The following SPNS2 variants were observed in gnomAD, a reference collection of about 807,000 sequenced individuals.
The protein encoded by SPNS2 is sphingosine-1-phosphate transporter SPNS2.
SPNS2 carries 37 observed loss-of-function variants against 57.6 expected under a neutral mutation model. That is an observed-to-expected ratio of 0.64 (90% CI 0.49 to 0.85). The LOEUF (loss-of-function observed/expected upper bound fraction) is 0.85. Ranked by LOEUF, SPNS2 falls within the 40% of genes least tolerant of loss-of-function variation. The probability of loss-of-function intolerance (pLI) is 0.00; values close to 1 mark genes in which losing one functional copy is unlikely to be tolerated. For missense variants in SPNS2, 831 were observed against 779.1 expected (o/e 1.07, Z -0.79); for synonymous variants, 440 against 346.9 (o/e 1.27, Z -2.98).
intron 2 of SPNS2, among the ~76,000 whole-genome samples, chr17:4,524,518 C>T (rs1323150529): frequency 6.6e-6 from 1 of 152,150 alleles, no homozygotes; most frequent in Non-Finnish European, 1.5e-5. Flanking sequence ...AACCCCATCT[C>T]TACTAAAATA....
At chr17:4,535,032 A>G (rs891194546) in intron 9 of SPNS2, among the ~76,000 whole-genome samples, 2 of 152,136 alleles carry the variant, frequency 1.3e-5, no homozygotes, top group Non-Finnish European at 2.9e-5. Flanking sequence ...CTCTCCCGCA[A>G]CGGGGTGCCC....
Position 4,520,115 on chromosome 17 carries a change from C to T in SPNS2, c.437-4942C>T, listed in dbSNP as rs147925563. Among the ~76,000 whole-genome samples the T allele has an allele frequency of 3.0e-4, 45 of 152,380 alleles. No individual in the cohort carries two copies. In the South Asian group the frequency reaches 3.3e-3, roughly 11 times the overall value. On this transcript the variant is annotated intron_variant, in intron 2 of 12. Transcript: ENST00000329078. ...TTTGGTCTGTCATCTCGGGCAACTT[C>T]CTCCACCTCTTGGGGCCTCAGTGAC...
intron 5 of SPNS2, among the ~76,000 whole-genome samples, chr17:4,531,854 G>A (rs917372610): frequency 6.6e-6 from 1 of 152,128 alleles, no homozygotes; most frequent in Non-Finnish European, 1.5e-5. Flanking sequence ...GGCCTTGGAG[G>A]TTCTGTTCTG....
chr17:4,523,741 T>C (rs895596936), intron 2 of SPNS2, among the ~76,000 whole-genome samples: 42 of 152,198 alleles, frequency 2.8e-4, no homozygotes, highest in Non-Finnish European at 5.0e-4. Flanking sequence ...GACTGTTGTC[T>C]CAAAAAATAT....
chr17:4,532,331 C>G lies in SPNS2; in HGVS notation c.793-211C>G, dbSNP rs542829257. Among the ~76,000 whole-genome samples, 4 of 152,320 alleles carry G rather than the reference C, an allele frequency of 2.6e-5. No homozygotes were observed. The South Asian group carries it at 6.2e-4, about 24-fold the overall frequency. On this transcript the variant is annotated intron_variant, in intron 5 of 12. Coordinates refer to ENST00000329078, the MANE Select transcript of SPNS2 (RefSeq NM_001124758.3). ...CACCTTCCCACCTCTGGTCCTGCCC[C>G]TGGTCTGGACAGGCCATCTCAAGCC...
chr17:4,505,636 C>T (rs1904655172), intron 1 of SPNS2, among the ~76,000 whole-genome samples: 1 of 152,242 alleles, frequency 6.6e-6, no homozygotes, highest in Admixed American at 6.5e-5. Context: ...GCCCAGGTCA[C>T]ACAGTGAGGC....
intron 3 of SPNS2, among the ~76,000 whole-genome samples, chr17:4,527,091 A>C (rs183832160): frequency 1.2e-4 from 19 of 152,364 alleles, no homozygotes; most frequent in African/African-American, 4.3e-4. Context: ...AAGGAGACAG[A>C]AGATAAGCAA....
chr17:4,530,611 A>G, intron 3 of SPNS2, 21 bp from the exon 4 acceptor site: 1 of 1,602,210 alleles, frequency 6.2e-7, no homozygotes, highest in Non-Finnish European at 8.5e-7. Flanking sequence ...GTCCCCCAGC[A>G]TCCTCCACCC....
chr17:4,515,712 G>A (rs182791969), intron 2 of SPNS2, among the ~76,000 whole-genome samples: 3 of 152,380 alleles, frequency 2.0e-5, no homozygotes, highest in Non-Finnish European at 2.9e-5. Context: ...TAAGGTCGGA[G>A]CCAGGTGGAG....
chr17:4,538,033 G>A lies in SPNS2; in HGVS notation c.*585G>A, dbSNP rs754107640. 37 of 351,442 alleles carry A rather than the reference G, an allele frequency of 1.1e-4. No homozygotes were observed. Among genetic ancestry groups the A allele is most frequent in the Middle Eastern group, 4.2e-4 (1 of 2,360 alleles). The allele number at this position is 351,442 out of a possible 1,614,324, so 21.8% of individuals were successfully genotyped here. On this transcript the variant is annotated 3_prime_UTR_variant, in exon 13 of 13. Coordinates refer to ENST00000329078, the MANE Select transcript of SPNS2 (RefSeq NM_001124758.3). ...CGCAACCTGGCAAATGAAGCTGGGC[G>A]CCCAAGTCTCTGGGTACTCCCTGGA...
intron 2 of SPNS2, among the ~76,000 whole-genome samples, chr17:4,515,147 G>A (rs576313511): frequency 7.9e-5 from 12 of 152,200 alleles, no homozygotes; most frequent in Admixed American, 3.3e-4. Context: ...TTCTTTCTGC[G>A]GTTCTGTCCC....
At chr17:4,527,903 A>G (rs1003103315) in intron 3 of SPNS2, among the ~76,000 whole-genome samples, 3 of 151,432 alleles carry the variant, frequency 2.0e-5, no homozygotes, top group African/African-American at 7.3e-5. Context: ...CCCAAGAGAG[A>G]AACTCCAGCT....
Position 4,499,411 on chromosome 17 carries a change from G to A in SPNS2, c.364G>A (p.Val122Met). The stretch of plus-strand genomic sequence containing the variant: ...GCTCAACTACCTGGACAGGTACACC[G>A]TGGCAGGTGAGCGAGTGCCCCACCC... Reference protein sequence around the residue: ...NVLNYLDRYTVAGVLLDIQQH... With the variant: ...NVLNYLDRYTMAGVLLDIQQH... The change falls in exon 1 of 13, where the codon GTG (valine) becomes ATG (methionine). Residue 122 changes from valine to methionine, a missense_variant. Coordinates refer to ENST00000329078, the MANE Select transcript of SPNS2 (RefSeq NM_001124758.3). This position sits in a 1 kb window ranked among gnomAD's most constrained non-coding sequence, Gnocchi z 5.2. 2 of 1,335,092 alleles carry A rather than the reference G, an allele frequency of 1.5e-6. No homozygotes were observed. Among genetic ancestry groups the A allele is most frequent in the Non-Finnish European group, 1.9e-6 (2 of 1,040,626 alleles). The allele number at this position is 1,335,092 out of a possible 1,614,324, so 82.7% of individuals were successfully genotyped here.
At chr17:4,509,304 G>A (rs766417424) in intron 1 of SPNS2, among the ~76,000 whole-genome samples, 3 of 152,198 alleles carry the variant, frequency 2.0e-5, no homozygotes, top group Admixed American at 1.3e-4. Context: ...GCCAAGTGTC[G>A]TGGTCCACGC....
chr17:4,525,163 C>T lies in SPNS2; in HGVS notation c.543C>T (p.Val181=). 2 of 1,614,214 alleles carry T rather than the reference C, an allele frequency of 1.2e-6. No homozygotes were observed. The highest frequency in any genetic ancestry group is 1.7e-6 in the Non-Finnish European group (2 of 1,180,032). The change falls in exon 3 of 13, where the codon GTC becomes GTT. Residue 181 remains valine (V), a synonymous_variant. Transcript: ENST00000329078. ...GCGGCATTTTCTTCTGGTCGGCCGTCACCTTCTCCAGCTCCTTCATTCCCC... is the reference window on the plus strand; with the variant it reads ...GCGGCATTTTCTTCTGGTCGGCCGTTACCTTCTCCAGCTCCTTCATTCCCC... ...LSCGIFFWSA[V]TFSSSFIPQQ...
chr17:4,530,606 C>T (rs1391118007), intron 3 of SPNS2, 26 bp from the exon 4 acceptor site: 3 of 1,600,224 alleles, frequency 1.9e-6, no homozygotes, highest in South Asian at 1.1e-5. Context: ...AGTCGGTCCC[C>T]CAGCATCCTC....
intron 1 of SPNS2, among the ~76,000 whole-genome samples, chr17:4,500,590 CAACAGAG>C (rs1567585715): frequency 2.0e-5 from 3 of 150,296 alleles, no homozygotes; most frequent in Non-Finnish European, 4.5e-5. Context: ...AACACACACA[CAACAGAG>C]AGAGAGAGGA....
At chr17:4,500,587 AC>A (rs1335611984) in intron 1 of SPNS2, among the ~76,000 whole-genome samples, 4 of 151,888 alleles carry the variant, frequency 2.6e-5, no homozygotes, top group Non-Finnish European at 4.4e-5. Flanking sequence ...TCAAACACAC[AC>A]ACAACAGAGA....
At chr17:4,522,152 C>T (rs555790116) in intron 2 of SPNS2, among the ~76,000 whole-genome samples, 9 of 152,230 alleles carry the variant, frequency 5.9e-5, no homozygotes, top group Non-Finnish European at 1.0e-4. Context: ...TGAGCTGAGA[C>T]GGTGCCACTG....
Sources: gnomAD v4.1 joint callset for allele counts (sites outside exome capture counted in the v4.1 genomes callset) on GRCh38, gnomAD v4.1.1 for gene constraint, Gnocchi (gnomAD v3.1) non-coding constraint, MANE v1.5 for transcripts, NCBI Gene and HGNC (gene_info 2026-07-23, HGNC 2026-07-21) for gene names.